RGS3: variants seen among roughly 807,000 people sequenced by gnomAD.
RGS3 encodes regulator of G-protein signalling 3.
In RGS3, 80 loss-of-function variants were observed where a neutral mutation model predicts 132.6. The observed-to-expected ratio is 0.60, with a 90% CI of 0.50 to 0.73. RGS3 has a LOEUF of 0.73. Among genes scored for constraint, RGS3 ranks in the 30% least tolerant of loss-of-function variants. The pLI is 0.00. For missense variants in RGS3, 1,382 were observed against 1,530.8 expected, an observed-to-expected ratio of 0.90 and a Z score of 1.62; for synonymous variants, 598 against 620.6, an observed-to-expected ratio of 0.96 and a Z score of 0.54.
chr9:113,482,880 G>A, intron 4 of RGS3, 179 bp from the exon 3 acceptor site: 1 of 1,452,986 alleles, frequency 6.9e-7, no homozygotes, highest in East Asian at 2.5e-5. Context: ...ATAGCCAATG[G>A]TGGTTATGCA....
chr9:113,541,211 G>C, intron 19 of RGS3: 1 of 1,144,466 alleles, frequency 8.7e-7, no homozygotes, highest in South Asian at 1.5e-5. Context: ...CAGCCCTGGA[G>C]ATGCCAGGGT....
At chr9:113,491,472 A>G (rs990363883) in intron 7 of RGS3, among the ~76,000 whole-genome samples, 1 of 151,892 alleles carries the variant, frequency 6.6e-6, no homozygotes, top group African/African-American at 2.4e-5. Flanking sequence ...GCTGGTCTCC[A>G]TCTCCTGACC....
At chr9:113,593,049 C>T (rs1390969467) in intron 21 of RGS3, 1 of 152,144 alleles carries the variant, frequency 6.6e-6, no homozygotes, top group African/African-American at 2.4e-5. Context: ...ACCTGGAGAC[C>T]TGGCCTGCTG....
rs1275265679 is a variant in RGS3 at position 113,506,692 on chromosome 9, C to T, written c.1085+199C>T. ...TTCAGGCTCAGAGCACTTTTGGATT[C>T]CAGAGCAAACAGCAGGGAAGATGCT... On this transcript the variant is annotated intron_variant, in intron 12 of 24. Transcript: ENST00000350696. This position sits in a 1 kb window ranked among gnomAD's most constrained non-coding sequence, Gnocchi z 4.7. 6.6e-6 allele frequency among the ~76,000 whole-genome samples: 1 copy of T among 152,168 alleles called. No homozygotes were observed. Among genetic ancestry groups the T allele is most frequent in the African/African-American group, 2.4e-5 (1 of 41,440 alleles).
At chr9:113,583,222 T>C (rs1250447712) in intron 19 of RGS3, 12 of 720,864 alleles carry the variant, frequency 1.7e-5, no homozygotes, top group East Asian at 5.6e-5. Context: ...CTCCTATAAA[T>C]GACCAGCTGT....
chr9:113,459,312 C>T (rs1169072729), upstream of RGS3, among the ~76,000 whole-genome samples: 2 of 152,024 alleles, frequency 1.3e-5, no homozygotes, highest in Non-Finnish European at 2.9e-5. Flanking sequence ...TTTTGGTTTC[C>T]TTTTCTATTT....
At chr9:113,452,982 A>G (rs1195992652) in intron 1 of RGS3, among the ~76,000 whole-genome samples, 3 of 128,750 alleles carry the variant, frequency 2.3e-5, no homozygotes, top group East Asian at 4.0e-4. Flanking sequence ...ATTTATACAT[A>G]ATATATAATA....
intron 23 of RGS3, 163 bp downstream of exon 21, chr9:113,595,143 G>A (rs763151589): frequency 4.5e-5 from 30 of 671,766 alleles, no homozygotes; most frequent in Admixed American, 7.8e-5. Context: ...TGAGGCCCTT[G>A]GTCTGGCCTT....
Position 113,507,619 on chromosome 9 carries a change from C to A in RGS3, c.1418C>A (p.Pro473Gln). 6.8e-7 allele frequency: 1 copy of A among 1,473,780 alleles called. No individual in the cohort carries two copies. The allele number at this position is 1,473,780 out of a possible 1,614,324, so 91.3% of individuals were successfully genotyped here. Residue 473 changes from proline to glutamine, a missense_variant, in exon 13 of 25, where the codon CCG (proline) becomes CAG (glutamine). Pro to Gln is a moderately conservative substitution (Grantham distance 76). Transcript: ENST00000350696. The surrounding 1 kb of genome is among the most constrained non-coding windows in gnomAD (Gnocchi z 5.0). The stretch of plus-strand genomic sequence containing the variant: ...GACCCCAACTACATCATCCTGGCCC[C>A]GCTGAATCCTGGGAGCCAGGTACGG...
At chr9:113,572,398 G>A (rs1398732476) in intron 19 of RGS3, among the ~76,000 whole-genome samples, 3 of 152,188 alleles carry the variant, frequency 2.0e-5, no homozygotes, top group African/African-American at 7.2e-5. Flanking sequence ...GCCTCAGGAG[G>A]CAGCGGTGAG....
chr9:113,564,077 G>A (rs1312704981), intron 19 of RGS3, among the ~76,000 whole-genome samples: 2 of 152,220 alleles, frequency 1.3e-5, no homozygotes, highest in Non-Finnish European at 2.9e-5. Context: ...GGGTGCATTT[G>A]TCAACATCAT....
intron 19 of RGS3, among the ~76,000 whole-genome samples, chr9:113,557,417 A>G (rs1833613115): frequency 6.6e-6 from 1 of 152,248 alleles, no homozygotes; most frequent in Admixed American, 6.5e-5. Context: ...CCCAAGTAGG[A>G]TCACGTGCCC....
Position 113,579,052 on chromosome 9 carries a change from G to A in RGS3, c.2038-4398G>A, listed in dbSNP as rs1196048000. 6.6e-6 allele frequency among the ~76,000 whole-genome samples: 1 copy of A among 151,750 alleles called. No homozygotes were observed. Among genetic ancestry groups the A allele is most frequent in the Non-Finnish European group, 1.5e-5 (1 of 67,982 alleles). On this transcript the variant is annotated intron_variant, in intron 19 of 24. Coordinates refer to ENST00000350696, the Ensembl canonical transcript of RGS3. This position sits in a 1 kb window ranked among gnomAD's most constrained non-coding sequence, Gnocchi z 4.3. ...AATCCTGGCTGTTAAGGGCCACCCT[G>A]AGACAGAGGCAAACCCCAGTTTACA...
intron 22 of RGS3, 29 bp from the exon 21 acceptor site, chr9:113,594,890 C>T: frequency 6.2e-7 from 1 of 1,610,216 alleles, no homozygotes; most frequent in Non-Finnish European, 8.5e-7. Flanking sequence ...TCTCAGTGCC[C>T]TCACTGTGTT....
At chr9:113,495,249 G>A (rs543864302) in intron 7 of RGS3, among the ~76,000 whole-genome samples, 2 of 152,204 alleles carry the variant, frequency 1.3e-5, no homozygotes, top group Non-Finnish European at 2.9e-5. Context: ...GCCTGACCCT[G>A]GCCCATGCCT....
chr9:113,571,611 A>G (rs1441447263), intron 19 of RGS3, among the ~76,000 whole-genome samples: 1 of 152,032 alleles, frequency 6.6e-6, no homozygotes, highest in African/African-American at 2.4e-5. Flanking sequence ...TATTGTAGAT[A>G]TGTGTTTATT....
At position 113,562,647 on chromosome 9, in the gene RGS3, C is replaced by T. The variant is rs900459955; in HGVS notation, c.2038-20803C>T. Among the ~76,000 whole-genome samples, 58 of 152,198 alleles carry T rather than the reference C, an allele frequency of 3.8e-4. 1 individual carries two copies. Among genetic ancestry groups the T allele is most frequent in the African/African-American group, 1.1e-3 (46 of 41,518 alleles). On this transcript the variant is annotated intron_variant, in intron 19 of 24. Transcript: ENST00000350696. ...GTGATTGGGGCCCAGTTCCTGAGTA[C>T]CCGGGTGCTGACCCCTGGGCCTGTG...
intron 19 of RGS3, 140 bp from the exon 18 acceptor site, chr9:113,583,310 G>T: frequency 6.4e-6 from 9 of 1,414,696 alleles, no homozygotes; most frequent in Non-Finnish European, 8.4e-6. Flanking sequence ...GGGCTTTGGG[G>T]GTTCCATCTG....
intron 15 of RGS3, 200 bp from the exon 14 acceptor site, chr9:113,517,340 TC>T: frequency 1.5e-6 from 1 of 683,800 alleles, no homozygotes; most frequent in South Asian, 1.5e-5. Flanking sequence ...CAGCAACAGT[TC>T]CACAGGACAG....
Sources: gnomAD v4.1 joint callset for allele counts (sites outside exome capture counted in the v4.1 genomes callset) on GRCh38, gnomAD v4.1.1 for gene constraint, Gnocchi (gnomAD v3.1) non-coding constraint, MANE v1.5 for transcripts, NCBI Gene and HGNC (gene_info 2026-07-23, HGNC 2026-07-21) for gene names.